Variants in CLNK observed in about 807,000 individuals in gnomAD.
CLNK encodes the protein cytokine-dependent hematopoietic cell linker.
A neutral mutation model predicts 68.6 loss-of-function variants in CLNK; 74 were observed. The observed-to-expected ratio is 1.08, with a 90% CI of 0.89 to 1.31. The LOEUF is 1.31. Among genes scored for constraint, CLNK ranks in the 50% most tolerant of loss-of-function variants. The pLI is 0.00. For synonymous variants in CLNK, 198 were observed against 172.2 expected (o/e 1.15, Z -1.17); for missense variants, 553 against 515.3 (o/e 1.07, Z -0.71).
At chr4:10,539,595 T>C (rs1355803973) in intron 11 of CLNK, among the ~76,000 whole-genome samples, 1 of 152,250 alleles carries the variant, frequency 6.6e-6, no homozygotes, top group Non-Finnish European at 1.5e-5. Flanking sequence ...ATTTAAACTC[T>C]TTTGGGAAAA....
chr4:10,678,940 A>G (rs1444346541), intron 1 of CLNK, among the ~76,000 whole-genome samples: 1 of 152,222 alleles, frequency 6.6e-6, no homozygotes, highest in Non-Finnish European at 1.5e-5. Context: ...CATACTGCCC[A>G]AGGTAATTTA....
Position 10,667,546 on chromosome 4 carries a change from C to A in CLNK, c.11+313G>T, listed in dbSNP as rs1056829877. On this transcript the variant is annotated intron_variant, in intron 2 of 18. Coordinates refer to ENST00000226951, the MANE Select transcript of CLNK (RefSeq NM_052964.4). ...AAGCACACAAACCACTGTCCTTTTA[C>A]CTATTCCTTCACACCCATGGGTGGA... Among the ~76,000 whole-genome samples, 4 of 152,124 alleles carry A rather than the reference C, an allele frequency of 2.6e-5. No individual in the cohort carries two copies. The East Asian group carries it at 7.7e-4, about 29-fold the overall frequency.
chr4:10,729,551 C>T, the CLNK span, among the ~76,000 whole-genome samples: 1 of 152,144 alleles, frequency 6.6e-6, no homozygotes, highest in South Asian at 2.1e-4. Context: ...TACACACTCA[C>T]CCACACCCAC....
At chr4:10,663,514 A>C (rs975446368) in intron 2 of CLNK, among the ~76,000 whole-genome samples, 1 of 152,198 alleles carries the variant, frequency 6.6e-6, no homozygotes, top group African/African-American at 2.4e-5. Flanking sequence ...TATATGATTT[A>C]TGTATACTCA....
intron 1 of CLNK, among the ~76,000 whole-genome samples, chr4:10,677,837 C>CAATAATAATAATAAT (rs68067128): frequency 0.2 from 30,136 of 148,798 alleles, 3,479 homozygotes; most frequent in Non-Finnish European, 0.26. Context: ...ATAAAAATAG[C>CAATAATAATAATAAT]AATAATAATA....
intron 7 of CLNK, among the ~76,000 whole-genome samples, chr4:10,563,958 T>C (rs1455298633): frequency 6.6e-6 from 1 of 152,088 alleles, no homozygotes; most frequent in Admixed American, 6.5e-5. Context: ...TGCACGAAAA[T>C]GTTATGACCA....
chr4:10,675,320 T>C (rs1054792180), intron 1 of CLNK, among the ~76,000 whole-genome samples: 4 of 152,170 alleles, frequency 2.6e-5, no homozygotes, highest in Admixed American at 6.5e-5. Flanking sequence ...AGAACCCACC[T>C]GGGGTCTGAG....
intron 8 of CLNK, among the ~76,000 whole-genome samples, chr4:10,549,781 C>G (rs771225280): frequency 6.6e-6 from 1 of 152,216 alleles, no homozygotes; most frequent in Admixed American, 6.5e-5. Context: ...AGGACCCAAA[C>G]AGTTGTTCAA....
chr4:10,571,759 G>C lies in CLNK; in HGVS notation c.132C>G (p.Asn44Lys), dbSNP rs201558306. Reference sequence around the variant, plus strand: ...GACTTACCCAGTCTAGAAGAGGCTTGTTCATCCTCTGGTACTGGCCTGCCA... The same window carrying C: ...GACTTACCCAGTCTAGAAGAGGCTTCTTCATCCTCTGGTACTGGCCTGCCA... ...NSATGQYQRMNKPLLDWERNF... is the reference protein window; with the variant it reads ...NSATGQYQRMKKPLLDWERNF... Residue 44 changes from asparagine to lysine, a missense_variant, in exon 5 of 19, where the codon AAC (asparagine) becomes AAG (lysine). Transcript: ENST00000226951. 6.2e-7 allele frequency: 1 copy of C among 1,612,560 alleles called. No individual in the cohort carries two copies. The highest frequency in any genetic ancestry group is 1.1e-5 in the South Asian group (1 of 91,008).
At chr4:10,616,790 G>GTGTATATATA (rs1369047138) in intron 2 of CLNK, among the ~76,000 whole-genome samples, 64 of 64,356 alleles carry the variant, frequency 9.9e-4, no homozygotes, top group African/African-American at 2.3e-3. Context: ...GTGTGTGTGT[G>GTGTATATATA]TATATATATA....
chr4:10,732,461 T>C, the CLNK span, among the ~76,000 whole-genome samples: 31 of 152,222 alleles, frequency 2.0e-4, no homozygotes, highest in Non-Finnish European at 4.0e-4. Context: ...ATGGTATGAC[T>C]GAACTTGGAA....
upstream of CLNK, among the ~76,000 whole-genome samples, chr4:10,687,632 C>T (rs754515797): frequency 1.3e-5 from 2 of 152,132 alleles, no homozygotes; most frequent in Non-Finnish European, 2.9e-5. Context: ...AACAGCATAG[C>T]TCACTAGAGG....
In CLNK at chr4:10,497,425, G is replaced by A. The variant is rs1014413390; in HGVS notation, c.1140+3831C>T. 7.2e-5 allele frequency among the ~76,000 whole-genome samples: 11 copies of A among 152,150 alleles called. No homozygotes were observed. The East Asian group carries it at 1.7e-3, about 24-fold the overall frequency. ...CATGTATGGGAAAAAAATAAGGAAC[G>A]CAAAGGAGGAGAAAATTCCAGATGA... On this transcript the variant is annotated intron_variant, in intron 18 of 18. Coordinates refer to ENST00000226951, the MANE Select transcript of CLNK (RefSeq NM_052964.4).
intron 17 of CLNK, among the ~76,000 whole-genome samples, chr4:10,502,860 A>C (rs68045316): frequency 0.12 from 18,937 of 151,996 alleles, 2,010 homozygotes; most frequent in African/African-American, 0.28. Context: ...ACGGAAGACC[A>C]GGAGATTCAG....
At chr4:10,689,470 T>C (rs150530406), upstream of CLNK, among the ~76,000 whole-genome samples, 249 of 152,292 alleles carry the variant, frequency 1.6e-3, no homozygotes, top group African/African-American at 5.6e-3. Context: ...CAAATTTAAA[T>C]GAAGAAAGAA....
intron 16 of CLNK, among the ~76,000 whole-genome samples, chr4:10,510,956 C>T (rs1717555583): frequency 6.6e-6 from 1 of 152,220 alleles, no homozygotes; most frequent in Non-Finnish European, 1.5e-5. Flanking sequence ...AGTTCAAGAT[C>T]AGCCTGGCCA....
At chr4:10,683,980 G>A (rs550883280) in intron 1 of CLNK, among the ~76,000 whole-genome samples, 76 of 152,228 alleles carry the variant, frequency 5.0e-4, no homozygotes, top group Non-Finnish European at 7.6e-4. Context: ...CAGGCATATC[G>A]ACACCTTTTA....
At position 10,642,140 on chromosome 4, in the gene CLNK, G is replaced by A. The variant is rs150906284; in HGVS notation, c.11+25719C>T. On this transcript the variant is annotated intron_variant, in intron 2 of 18. Coordinates refer to ENST00000226951, the MANE Select transcript of CLNK (RefSeq NM_052964.4). ...TAAGTCAATTTCAATAAAGGCAAAGGCATAAATCAAAGTAAAAATAAATAC... is the reference window on the plus strand; with the variant it reads ...TAAGTCAATTTCAATAAAGGCAAAGACATAAATCAAAGTAAAAATAAATAC... 2.3e-3 allele frequency among the ~76,000 whole-genome samples: 348 copies of A among 152,240 alleles called. 1 individual carries two copies. Among genetic ancestry groups the A allele is most frequent in the Non-Finnish European group, 3.3e-3 (222 of 68,032 alleles).
chr4:10,552,040 T>C (rs530473960), intron 8 of CLNK, among the ~76,000 whole-genome samples: 1 of 152,162 alleles, frequency 6.6e-6, no homozygotes, highest in East Asian at 1.9e-4. Flanking sequence ...TATTTTTTAG[T>C]AGAGATGGAG....
Sources: allele counts gnomAD v4.1 joint callset (sites outside exome capture counted in the v4.1 genomes callset), GRCh38; gene constraint gnomAD v4.1.1; transcripts MANE v1.5; gene names NCBI Gene and HGNC (gene_info 2026-07-23, HGNC 2026-07-21).